The following ATXN1 variants were observed in gnomAD, a reference collection of about 807,000 sequenced individuals.
ATXN1 encodes ataxin 1, also known as ataxin-1.
ATXN1 carries 8 observed loss-of-function variants against 56.4 expected under a neutral mutation model. That is an observed-to-expected ratio of 0.14 (90% CI 0.08 to 0.26). The LOEUF (loss-of-function observed/expected upper bound fraction) is 0.26. Ranked by LOEUF, ATXN1 falls within the 10% of genes least tolerant of loss-of-function variation. The pLI, the probability that ATXN1 is intolerant of heterozygous loss-of-function variation, is 1.00. For synonymous variants in ATXN1, 514 were observed against 494.6 expected (o/e 1.04, Z -0.52); for missense variants, 987 against 1,106.5 (o/e 0.89, Z 1.53).
At chr6:16,554,612 C>A in intron 4 of ATXN1, among the ~76,000 whole-genome samples, 1 of 152,228 alleles carries the variant, frequency 6.6e-6, no homozygotes, top group Non-Finnish European at 1.5e-5. Context: ...CCACCACGCC[C>A]GGCTAATTTT....
chr6:16,670,551 A>AT (rs764824416), intron 2 of ATXN1, among the ~76,000 whole-genome samples: 2 of 152,220 alleles, frequency 1.3e-5, no homozygotes, highest in Non-Finnish European at 2.9e-5. Context: ...AAGAACCAAG[A>AT]TTTTATTCAG....
intron 6 of ATXN1, among the ~76,000 whole-genome samples, chr6:16,440,648 A>AAAAAAAAAAAAGAAAAAAAGAAAGAAAG (rs748929817): frequency 8.4e-6 from 1 of 118,548 alleles, no homozygotes; most frequent in African/African-American, 3.6e-5. Flanking sequence ...CTTAAAAAAA[A>AAAAAAAAAAAAGAAAAAAAGAAAGAAAG]AAAAGAAAAG....
At chr6:16,407,147 A>AT (rs1449425113) in intron 6 of ATXN1, among the ~76,000 whole-genome samples, 22 of 152,262 alleles carry the variant, frequency 1.4e-4, no homozygotes, top group African/African-American at 5.3e-4. Flanking sequence ...GCTCAGAGAG[A>AT]TAATGGGCAT....
At chr6:16,514,779 C>G (rs989376791) in intron 5 of ATXN1, among the ~76,000 whole-genome samples, 2 of 151,856 alleles carry the variant, frequency 1.3e-5, no homozygotes, top group African/African-American at 4.8e-5. Context: ...GTCAAGAGAT[C>G]GAGACCAGCC....
At chr6:16,499,234 C>T (rs549841120) in intron 5 of ATXN1, among the ~76,000 whole-genome samples, 2 of 152,166 alleles carry the variant, frequency 1.3e-5, no homozygotes, top group Admixed American at 6.5e-5. Flanking sequence ...GTGACTTTTT[C>T]CATTGTCTCA....
At chr6:16,424,757 T>A (rs1372286441) in intron 6 of ATXN1, among the ~76,000 whole-genome samples, 1 of 152,112 alleles carries the variant, frequency 6.6e-6, no homozygotes. Flanking sequence ...AACAAAGAAG[T>A]GTTTCAGGTG....
intron 6 of ATXN1, among the ~76,000 whole-genome samples, chr6:16,331,339 G>T (rs1399768403): frequency 6.6e-6 from 1 of 152,160 alleles, no homozygotes; most frequent in Non-Finnish European, 1.5e-5. Flanking sequence ...ACTGTGTTCT[G>T]TACAGCCTTC....
intron 2 of ATXN1, among the ~76,000 whole-genome samples, chr6:16,751,115 C>G (rs547853608): frequency 2.6e-5 from 4 of 151,898 alleles, no homozygotes; most frequent in Non-Finnish European, 5.9e-5. Context: ...ATTACAGGAA[C>G]CTGCCACAAT....
chr6:16,327,423 G>A lies in ATXN1; in HGVS notation c.888C>T (p.Ser296=), dbSNP rs140153287. The A allele has an allele frequency of 1.0e-3, 1,643 of 1,613,724 alleles. 20 individuals carry two copies. In the East Asian group the frequency reaches 0.023, roughly 22 times the overall value. ...CCTCCCGAGGGACAAAGTGGCTGCC[G>A]GAGTCGGCGTATTGCATGACGACCT... The part of the protein sequence containing the change: ...PSQVVMQYAD[S]GSHFVPREAT... The change falls in exon 7 of 8, where the codon TCC becomes TCT. Residue 296 remains serine, a synonymous_variant. Coordinates refer to ENST00000436367, the MANE Select transcript of ATXN1 (RefSeq NM_001128164.2).
intron 4 of ATXN1, among the ~76,000 whole-genome samples, chr6:16,581,224 TGCGC>T (rs753280309): frequency 2.6e-5 from 3 of 114,528 alleles, no homozygotes; most frequent in African/African-American, 3.8e-5. Context: ...TGTGTGTGTG[TGCGC>T]GCGTGTGTGT....
chr6:16,327,818 C>T lies in ATXN1; in HGVS notation c.493G>A (p.Ala165Thr). The change falls in exon 7 of 8, where the codon GCC (alanine) becomes ACC (threonine). Residue 165 changes from alanine (A) to threonine (T), a missense_variant. Around this residue, in one of 3 missense-constraint regions of ATXN1, gnomAD observed 723 missense variants for 791.7 expected, o/e 0.91. Transcript: ENST00000436367. ...VTSAVASAAGATTPSQRSQLE... is the reference protein window; with the variant it reads ...VTSAVASAAGTTTPSQRSQLE... ...TGGGAGCGCTGGGATGGAGTGGTGG[C>T]CCCTGCGGCCGAGGCCACTGCACTG... 6.2e-7 allele frequency: 1 copy of T among 1,609,244 alleles called. No homozygotes were observed. The highest frequency in any genetic ancestry group is 2.2e-5 in the East Asian group (1 of 44,872).
At chr6:16,442,311 GA>G (rs1419946510) in intron 6 of ATXN1, among the ~76,000 whole-genome samples, 1 of 152,170 alleles carries the variant, frequency 6.6e-6, no homozygotes, top group African/African-American at 2.4e-5. Flanking sequence ...CTGCAAGGGA[GA>G]AGAGTCAGGC....
At chr6:16,606,172 ACAATTAACT>A (rs1204348279) in intron 3 of ATXN1, among the ~76,000 whole-genome samples, 2 of 70,632 alleles carry the variant, frequency 2.8e-5, no homozygotes, top group Admixed American at 1.4e-4. Flanking sequence ...AAAAAGAATG[ACAATTAACT>A]CAAAGAGTTA....
chr6:16,490,424 C>A (rs565012267), intron 5 of ATXN1, among the ~76,000 whole-genome samples: 3 of 152,328 alleles, frequency 2.0e-5, no homozygotes, highest in African/African-American at 7.2e-5. Context: ...TGTTTACCAA[C>A]AAACAGTTGT....
chr6:16,636,491 G>A (rs1056298776), intron 3 of ATXN1, among the ~76,000 whole-genome samples: 12 of 152,198 alleles, frequency 7.9e-5, no homozygotes, highest in Non-Finnish European at 1.3e-4. Flanking sequence ...GTAGGACAAA[G>A]TATATTTGGC....
At chr6:16,732,442 G>C (rs1196558029) in intron 2 of ATXN1, among the ~76,000 whole-genome samples, 2 of 152,044 alleles carry the variant, frequency 1.3e-5, no homozygotes, top group Non-Finnish European at 2.9e-5. Flanking sequence ...GTGCTAATGG[G>C]TGCCTGTAAT....
At chr6:16,527,220 C>T (rs578191906) in intron 4 of ATXN1, among the ~76,000 whole-genome samples, 38 of 152,190 alleles carry the variant, frequency 2.5e-4, no homozygotes, top group Non-Finnish European at 5.0e-4. Flanking sequence ...TACCTCCCCC[C>T]GCGACTAGTG....
At chr6:16,503,907 G>A (rs1350867806) in intron 5 of ATXN1, among the ~76,000 whole-genome samples, 1 of 152,030 alleles carries the variant, frequency 6.6e-6, no homozygotes, top group African/African-American at 2.4e-5. Context: ...CGTTCACAAT[G>A]ATGCACAACC....
At chr6:16,577,116 C>T (rs752953614) in intron 4 of ATXN1, among the ~76,000 whole-genome samples, 30 of 152,274 alleles carry the variant, frequency 2.0e-4, no homozygotes, top group African/African-American at 5.3e-4. Flanking sequence ...AGACACACCC[C>T]GCTTTTCTCT....
Sources: gnomAD v4.1 joint callset for allele counts (sites outside exome capture counted in the v4.1 genomes callset) on GRCh38, gnomAD v4.1.1 for gene constraint, gnomAD v4.1.1 regional missense constraint, MANE v1.5 for transcripts, NCBI Gene and HGNC (gene_info 2026-07-23, HGNC 2026-07-21) for gene names.